Variants in FBRS observed in about 807,000 individuals in gnomAD.
FBRS encodes the protein probable fibrosin-1.
Under a neutral mutation model 86.1 loss-of-function variants are expected in FBRS, and 15 were observed. That is an observed-to-expected ratio of 0.17 (90% confidence interval 0.12 to 0.27). FBRS has a LOEUF of 0.27. Among genes scored for constraint, FBRS ranks in the 10% least tolerant of loss-of-function variants. The pLI, the probability that FBRS is intolerant of heterozygous loss-of-function variation, is 1.00. For synonymous variants in FBRS, 666 were observed against 575.8 expected, an observed-to-expected ratio of 1.16 and a Z score of -2.24; for missense variants, 1,367 against 1,301.6, an observed-to-expected ratio of 1.05 and a Z score of -0.77.
chr16:30,663,379 T>TA (rs1310818810), intron 6 of FBRS, among the ~76,000 whole-genome samples: 2 of 152,144 alleles, frequency 1.3e-5, no homozygotes, highest in African/African-American at 4.8e-5. Context: ...GCGTCAGTGA[T>TA]ATATGGGATG....
rs1388553243 is a variant in FBRS, at chr16:30,668,871, C to T, written c.2258C>T (p.Thr753Ile). 5 of 1,588,432 alleles carry T rather than the reference C, an allele frequency of 3.1e-6. No individual in the cohort carries two copies. In the Admixed American group the frequency reaches 5.3e-5, roughly 17 times the overall value. Residue 753 changes from threonine to isoleucine, a missense_variant, in exon 17 of 18, where the codon ACC becomes ATC. Physicochemically the swap from Thr to Ile is moderately conservative, Grantham distance 89. This residue lies in a region of FBRS where 659 missense variants were observed against 678.8 expected (regional missense o/e 0.97). Coordinates refer to ENST00000356166, the MANE Select transcript of FBRS (RefSeq NM_001105079.3). The part of the protein sequence containing the change: ...PWGRLHRSPL[T>I]FPAWVRPPEA... ...GGCCGCCTGCACCGCAGTCCTCTGA[C>T]CTTTCCTGCCTGGGTCCGGCCCCCT...
rs1190677235 is a variant in FBRS at position 30,660,365 on chromosome 16, G to C, written c.562G>C (p.Asp188His). 1 of 1,278,132 alleles carries C rather than the reference G, an allele frequency of 7.8e-7. No homozygotes were observed. Among genetic ancestry groups the C allele is most frequent in the East Asian group, 3.1e-5 (1 of 31,996 alleles). The allele number at this position is 1,278,132 out of a possible 1,614,324, so 79.2% of individuals were successfully genotyped here. ...CAGTGGGGCCACCGGGGAGCCAGGGGACAGCTCTGATCGAGAGCCTGGCCG... is the reference window on the plus strand; with the variant it reads ...CAGTGGGGCCACCGGGGAGCCAGGGCACAGCTCTGATCGAGAGCCTGGCCG... ...GSSGATGEPG[D>H]SSDREPGRPP... is the part of the protein sequence containing the mutation. The change falls in exon 2 of 18, where the codon GAC (aspartate) becomes CAC (histidine). Residue 188 changes from aspartate to histidine, a missense_variant. Asp to His is a moderately conservative substitution (Grantham distance 81). Coordinates refer to ENST00000356166, the MANE Select transcript of FBRS (RefSeq NM_001105079.3).
chr16:30,666,648 G>T, intron 12 of FBRS, 107 bp downstream of exon 12: 1 of 1,555,048 alleles, frequency 6.4e-7, no homozygotes, highest in East Asian at 2.2e-5. Flanking sequence ...AGAACATGGA[G>T]GCAGCCAGAT....
intron 15 of FBRS, 187 bp from the exon 16 acceptor site, chr16:30,668,373 G>A: frequency 1.7e-6 from 1 of 579,262 alleles, no homozygotes; most frequent in Non-Finnish European, 3.1e-6. Context: ...GGCTTTTTGT[G>A]AGGTTAACCG....
Position 30,669,847 on chromosome 16 carries a change from G to A in FBRS, c.*202G>A. On this transcript the variant is annotated 3_prime_UTR_variant, in exon 18 of 18. Transcript: ENST00000356166. The surrounding 1 kb of genome is among the most constrained non-coding windows in gnomAD (Gnocchi z 5.9). ...GTGTAGGGTCACTGGGAGAGCAGAG[G>A]TCACAGCCTCTAGAGAAGGGAGAGG... 1.4e-6 allele frequency: 1 copy of A among 697,266 alleles called. No individual in the cohort carries two copies. Among genetic ancestry groups the A allele is most frequent in the Non-Finnish European group, 2.3e-6 (1 of 426,994 alleles). 43.2% of individuals were successfully genotyped at this position (697,266 alleles called of 1,614,324 possible).
In FBRS at chr16:30,669,056, G is replaced by T; in HGVS notation, c.2367-13G>T. 7.6e-7 allele frequency: 1 copy of T among 1,310,690 alleles called. No individual in the cohort carries two copies. The highest frequency in any genetic ancestry group is 2.3e-5 in the Admixed American group (1 of 43,524). The allele number at this position is 1,310,690 out of a possible 1,614,324, so 81.2% of individuals were successfully genotyped here. On this transcript the variant is annotated splice_polypyrimidine_tract_variant and intron_variant, in intron 17 of 17. Transcript: ENST00000356166. This position sits in a 1 kb window ranked among gnomAD's most constrained non-coding sequence, Gnocchi z 5.9. Reference sequence around the variant, plus strand: ...CTGGAGAACTTCATTCTCTCCCCACGCCTGCCCTCCAGGGACCTCCCCTTC... The same window carrying T: ...CTGGAGAACTTCATTCTCTCCCCACTCCTGCCCTCCAGGGACCTCCCCTTC...
chr16:30,670,506 C>T lies in FBRS; in HGVS notation c.*861C>T, dbSNP rs2052584230. ...CCAAGTGCCCCCAGGACTCCTGGGC[C>T]CTGCTTCCCTGAACCCTGTTCTCCA... On this transcript the variant is annotated 3_prime_UTR_variant, in exon 18 of 18. Coordinates refer to ENST00000356166, the MANE Select transcript of FBRS (RefSeq NM_001105079.3). 3.3e-6 allele frequency: 1 copy of T among 304,010 alleles called. No homozygotes were observed. The allele number at this position is 304,010 out of a possible 1,614,324, so 18.8% of individuals were successfully genotyped here.
rs758475880 is a variant in FBRS at position 30,668,793 on chromosome 16, A to C, written c.2180A>C (p.Gln727Pro). The change falls in exon 17 of 18, where the codon CAG becomes CCG. Residue 727 changes from glutamine to proline, a missense_variant. This residue lies in a region of FBRS where 659 missense variants were observed against 678.8 expected (regional missense o/e 0.97). Transcript: ENST00000356166. ...PTFNSGAVFA[Q>P]KESPGAPPAF... The stretch of plus-strand genomic sequence containing the variant: ...CCAGACTCCGGCGCCGTCTTTGCCC[A>C]GAAAGAAAGCCCAGGGGCCCCACCA... The C allele has an allele frequency of 4.4e-6, 7 of 1,600,414 alleles. No individual in the cohort carries two copies. The highest frequency in any genetic ancestry group is 5.9e-6 in the Non-Finnish European group (7 of 1,178,644).
chr16:30,660,373 T>A lies in FBRS; in HGVS notation c.570T>A (p.Ser190=). ...SGATGEPGDS[S]DREPGRPPGD... The stretch of plus-strand genomic sequence containing the variant: ...CCACCGGGGAGCCAGGGGACAGCTC[T>A]GATCGAGAGCCTGGCCGGCCCCCTG... The change falls in exon 2 of 18, where the codon TCT becomes TCA. Residue 190 remains serine (S), a synonymous_variant. Transcript: ENST00000356166. 7.9e-7 allele frequency: 1 copy of A among 1,270,086 alleles called. No individual in the cohort carries two copies. Among genetic ancestry groups the A allele is most frequent in the Non-Finnish European group, 1.0e-6 (1 of 998,566 alleles). 78.7% of individuals were successfully genotyped at this position (1,270,086 alleles called of 1,614,324 possible).
chr16:30,659,884 A>G lies in FBRS; in HGVS notation c.366A>G (p.Glu122=). 6.5e-7 allele frequency: 1 copy of G among 1,547,408 alleles called. No homozygotes were observed. The change falls in exon 1 of 18, where the codon GAA becomes GAG. Residue 122 remains glutamate, a synonymous_variant. Coordinates refer to ENST00000356166, the MANE Select transcript of FBRS (RefSeq NM_001105079.3). The part of the protein sequence containing the change: ...EEEEGGADDG[E]AEEEPEEEEE... ...AGGAGGGGGGCGCAGACGACGGCGAAGCCGAGGAGGAGCCTGAGGAGGAGG... is the reference window on the plus strand; with the variant it reads ...AGGAGGGGGGCGCAGACGACGGCGAGGCCGAGGAGGAGCCTGAGGAGGAGG...
chr16:30,669,321 A>G lies in FBRS; in HGVS notation c.2619A>G (p.Pro873=). 2 of 1,610,082 alleles carry G rather than the reference A, an allele frequency of 1.2e-6. No individual in the cohort carries two copies. Among genetic ancestry groups the G allele is most frequent in the Non-Finnish European group, 1.7e-6 (2 of 1,178,668 alleles). ...RPPPFLGPSP[P]DRCAGFLEPT... is the part of the protein sequence containing the mutation. ...CCCCGTTTCTGGGCCCTAGCCCACC[A>G]GATCGCTGTGCTGGCTTCCTGGAGC... The change falls in exon 18 of 18, where the codon CCA becomes CCG. Residue 873 remains proline, a synonymous_variant. Transcript: ENST00000356166. This position sits in a 1 kb window ranked among gnomAD's most constrained non-coding sequence, Gnocchi z 5.9.
rs558405070 is a variant in FBRS, at chr16:30,667,039, G to A, written c.1875+49G>A. 2.6e-6 allele frequency: 4 copies of A among 1,546,146 alleles called. No homozygotes were observed. In the East Asian group the frequency reaches 7.0e-5, roughly 27 times the overall value. ...AGAGTGGGTCTCAGAGTCAGGGGAG[G>A]ACTGAGCTCTGGGCATTGGCCCTCA... On this transcript the variant is annotated intron_variant, in intron 13 of 17. Coordinates refer to ENST00000356166, the MANE Select transcript of FBRS (RefSeq NM_001105079.3).
intron 12 of FBRS, 120 bp downstream of exon 12, chr16:30,666,661 G>C: frequency 6.6e-7 from 1 of 1,508,312 alleles, no homozygotes; most frequent in Non-Finnish European, 9.2e-7. Context: ...AGCCAGATGT[G>C]GAACAGCAGA....
chr16:30,661,087 C>G, intron 2 of FBRS, 93 bp from the exon 3 acceptor site: 15 of 1,537,038 alleles, frequency 9.8e-6, no homozygotes, highest in Non-Finnish European at 1.2e-5. Context: ...GAGAGTAGAT[C>G]CTGGAGGCCC....
At chr16:30,662,987 A>G in intron 6 of FBRS, 128 bp downstream of exon 6, 1 of 1,324,696 alleles carries the variant, frequency 7.5e-7, no homozygotes, top group Non-Finnish European at 9.7e-7. Context: ...GAGAAAAACA[A>G]ATGGAAAGAG....
intron 16 of FBRS, 47 bp downstream of exon 16, chr16:30,668,690 G>A (rs1364200491): frequency 6.3e-7 from 1 of 1,587,694 alleles, no homozygotes; most frequent in Admixed American, 1.7e-5. Context: ...CACAGGGTGA[G>A]AGCTCAGACG....
In FBRS at chr16:30,669,302, T is replaced by A. The variant is rs2052567638; in HGVS notation, c.2600T>A (p.Phe867Tyr). The A allele has an allele frequency of 6.2e-7, 1 of 1,601,212 alleles. No individual in the cohort carries two copies. The highest frequency in any genetic ancestry group is 8.5e-7 in the Non-Finnish European group (1 of 1,174,586). The change falls in exon 18 of 18, where the codon TTT becomes TAT. Residue 867 changes from phenylalanine to tyrosine, a missense_variant. Physicochemically the swap from Phe to Tyr is conservative, Grantham distance 22. Coordinates refer to ENST00000356166, the MANE Select transcript of FBRS (RefSeq NM_001105079.3). The surrounding 1 kb of genome is among the most constrained non-coding windows in gnomAD (Gnocchi z 5.9). ...LLFERPRPPP[F>Y]LGPSPPDRCA... ...TTTGAGAGGCCCCGGCCGCCCCCGT[T>A]TCTGGGCCCTAGCCCACCAGATCGC...
Position 30,664,361 on chromosome 16 carries a change from C to G in FBRS, c.1202C>G (p.Pro401Arg). 6.5e-7 allele frequency: 1 copy of G among 1,536,888 alleles called. No homozygotes were observed. The highest frequency in any genetic ancestry group is 2.5e-5 in the East Asian group (1 of 40,298). The change falls in exon 7 of 18, where the codon CCT (proline) becomes CGT (arginine). Residue 401 changes from proline to arginine, a missense_variant. Physicochemically the swap from Pro to Arg is moderately radical, Grantham distance 103. This residue lies in a region of FBRS where 702 missense variants were observed against 598.7 expected (regional missense o/e 1.17). Transcript: ENST00000356166. ...CCCCCGACGCCCTCACTGCCCCTGC[C>G]TTTGTCCACCCACAGCTTTCCCCCT... ...HRPPTPSLPL[P>R]LSTHSFPPPG...
chr16:30,663,359 T>C (rs967202009), intron 6 of FBRS, among the ~76,000 whole-genome samples: 1 of 152,200 alleles, frequency 6.6e-6, no homozygotes, highest in African/African-American at 2.4e-5. Context: ...TCCCAAAGTG[T>C]GTACATTCAG....
Sources: allele counts gnomAD v4.1 joint callset (sites outside exome capture counted in the v4.1 genomes callset), GRCh38; gene constraint gnomAD v4.1.1; regional missense constraint gnomAD v4.1.1; non-coding constraint Gnocchi (gnomAD v3.1); transcripts MANE v1.5; gene names NCBI Gene and HGNC (gene_info 2026-07-23, HGNC 2026-07-21).